SLC36A3: variants seen among roughly 807,000 people sequenced by gnomAD.
The protein encoded by SLC36A3 is proton-coupled amino acid transporter 3.
Under a neutral mutation model 44.3 loss-of-function variants are expected in SLC36A3, and 35 were observed. The ratio of observed to expected loss-of-function variants is 0.79; its 90% confidence interval spans 0.60 to 1.05. The LOEUF is 1.05. SLC36A3 is among the 50% of genes least tolerant of loss of function. The pLI, the probability that SLC36A3 is intolerant of heterozygous loss-of-function variation, is 0.00. For missense variants in SLC36A3, 540 were observed against 578.7 expected, an observed-to-expected ratio of 0.93 and a Z score of 0.69; for synonymous variants, 211 against 227.6, an observed-to-expected ratio of 0.93 and a Z score of 0.66.
intron 3 of SLC36A3, among the ~76,000 whole-genome samples, chr5:151,295,141 A>G (rs1251950906): frequency 6.6e-6 from 1 of 152,154 alleles, no homozygotes; most frequent in Non-Finnish European, 1.5e-5. Flanking sequence ...TAATGATCCC[A>G]GAAGGCTTGA....
At chr5:151,289,818 G>C (rs188104643) in intron 4 of SLC36A3, among the ~76,000 whole-genome samples, 158 of 152,274 alleles carry the variant, frequency 1.0e-3, no homozygotes, top group African/African-American at 3.4e-3. Context: ...ATGATATCCT[G>C]TTGTTTTGCT....
At chr5:151,292,136 C>T (rs374205237) in intron 4 of SLC36A3, among the ~76,000 whole-genome samples, 6 of 152,170 alleles carry the variant, frequency 3.9e-5, no homozygotes, top group African/African-American at 1.2e-4. Flanking sequence ...GCTGGGATTA[C>T]AGGCGTGAGC....
intron 4 of SLC36A3, among the ~76,000 whole-genome samples, chr5:151,290,696 C>T (rs969383192): frequency 6.6e-6 from 1 of 152,090 alleles, no homozygotes; most frequent in Non-Finnish European, 1.5e-5. Flanking sequence ...GAGATCGAGA[C>T]CATCCTGGCT....
At chr5:151,298,888 C>T (rs998076326) in intron 1 of SLC36A3, among the ~76,000 whole-genome samples, 2 of 152,152 alleles carry the variant, frequency 1.3e-5, no homozygotes, top group African/African-American at 4.8e-5. Context: ...AGTGACTCAA[C>T]AAATCTTTAA....
chr5:151,300,025 G>A (rs138962362), intron 1 of SLC36A3, among the ~76,000 whole-genome samples: 128 of 152,318 alleles, frequency 8.4e-4, no homozygotes, highest in African/African-American at 2.9e-3. Flanking sequence ...GCAAGCATGG[G>A]CTGGTTTAAG....
At chr5:151,298,531 G>A in intron 2 of SLC36A3, 62 bp downstream of exon 2, 2 of 1,542,472 alleles carry the variant, frequency 1.3e-6, no homozygotes, top group Non-Finnish European at 1.8e-6. Flanking sequence ...AAGGCCTTCA[G>A]GACCTATCAC....
rs1266028474 is a variant in SLC36A3, at chr5:151,276,363, T to G, written c.*1030A>C. On this transcript the variant is annotated 3_prime_UTR_variant, in exon 10 of 10. Transcript: ENST00000335230. ...GAATCATCCAGTTTGTATTCTTTTT[T>G]TGGTCTGGATTTTGTCATTCAGCAT... Among the ~76,000 whole-genome samples the G allele has an allele frequency of 6.6e-6, 1 of 152,240 alleles. No homozygotes were observed. The highest frequency in any genetic ancestry group is 2.4e-5 in the African/African-American group (1 of 41,470).
intron 2 of SLC36A3, chr5:151,297,740 G>T (rs969264461): frequency 2.0e-5 from 3 of 152,162 alleles, no homozygotes; most frequent in Non-Finnish European, 2.9e-5. Context: ...AGATGGGCCA[G>T]TCACCTGAGG....
Position 151,296,294 on chromosome 5 carries a change from A to T in SLC36A3, c.220-26T>A, listed in dbSNP as rs750489416. The T allele has an allele frequency of 9.4e-6, 15 of 1,595,866 alleles. No homozygotes were observed. In the South Asian group the frequency reaches 1.2e-4, roughly 13 times the overall value. ...CTGGAGGGGAGAGGAGAAAGGGGGAAGTGAGCCAGAAATGATCACTCCCAT... is the reference window on the plus strand; with the variant it reads ...CTGGAGGGGAGAGGAGAAAGGGGGATGTGAGCCAGAAATGATCACTCCCAT... On this transcript the variant is annotated intron_variant, in intron 2 of 9. Transcript: ENST00000335230.
chr5:151,282,111 G>GTTTTTTTTTTTTTTTTTTTT (rs70976011), intron 8 of SLC36A3, among the ~76,000 whole-genome samples: 1 of 56,104 alleles, frequency 1.8e-5, no homozygotes, highest in African/African-American at 6.8e-5. Flanking sequence ...CTTTTTCTTT[G>GTTTTTTTTTTTTTTTTTTTT]TTTTTTTTTT....
In SLC36A3 at chr5:151,277,357, G is replaced by T; in HGVS notation, c.*36C>A. 6.2e-7 allele frequency: 1 copy of T among 1,607,718 alleles called. No individual in the cohort carries two copies. The highest frequency in any genetic ancestry group is 8.5e-7 in the Non-Finnish European group (1 of 1,175,406). On this transcript the variant is annotated 3_prime_UTR_variant, in exon 10 of 10. Coordinates refer to ENST00000335230, the MANE Select transcript of SLC36A3 (RefSeq NM_181774.4). The stretch of plus-strand genomic sequence containing the variant: ...CCACATGGAAGTCAAACTGGGGATG[G>T]GAGGAAGGGAGAGCTATTAGAATAA...
intron 1 of SLC36A3, among the ~76,000 whole-genome samples, chr5:151,300,838 G>C (rs1755144718): frequency 6.6e-6 from 1 of 152,154 alleles, no homozygotes; most frequent in African/African-American, 2.4e-5. Context: ...CCTCCTCTGG[G>C]CATCTTTATT....
At chr5:151,277,806 C>T in intron 9 of SLC36A3, 145 bp from the exon 10 acceptor site, 1 of 867,224 alleles carries the variant, frequency 1.2e-6, no homozygotes, top group Non-Finnish European at 1.7e-6. Context: ...GGTCAGGCAA[C>T]TCCCACCCCT....
chr5:151,281,995 G>C (rs561367456), intron 8 of SLC36A3, among the ~76,000 whole-genome samples: 8 of 151,520 alleles, frequency 5.3e-5, no homozygotes, highest in Admixed American at 1.3e-4. Context: ...GTTTGTACAT[G>C]CTCATACAGA....
chr5:151,298,455 T>C (rs572119142), intron 2 of SLC36A3, 138 bp downstream of exon 2: 9 of 788,086 alleles, frequency 1.1e-5, no homozygotes, highest in Non-Finnish European at 1.9e-5. Context: ...CTCCAGGGGA[T>C]TGATGCCAAC....
Position 151,303,514 on chromosome 5 carries a change from G to T in SLC36A3, c.-160C>A. On this transcript the variant is annotated 5_prime_UTR_variant, in exon 1 of 10. Transcript: ENST00000335230. ...CTGAAGCCTGAAGTGCATGAATCAG[G>T]GAAGCGGTGGTGGCAGGAGAGGCTG... 1 of 688,440 alleles carries T rather than the reference G, an allele frequency of 1.5e-6. No homozygotes were observed. The highest frequency in any genetic ancestry group is 2.8e-5 in the East Asian group (1 of 35,878). 42.6% of individuals were successfully genotyped at this position (688,440 alleles called of 1,614,324 possible).
At chr5:151,297,194 A>G (rs1008485923) in intron 2 of SLC36A3, 2 of 152,244 alleles carry the variant, frequency 1.3e-5, no homozygotes, top group Non-Finnish European at 2.9e-5. Context: ...TATTTCTCAA[A>G]TGAATCATGG....
chr5:151,281,470 T>C (rs1754311972), intron 8 of SLC36A3, among the ~76,000 whole-genome samples: 1 of 152,188 alleles, frequency 6.6e-6, no homozygotes, highest in Non-Finnish European at 1.5e-5. Flanking sequence ...TGCTGAAGAT[T>C]CTGAGTCAGT....
intron 8 of SLC36A3, among the ~76,000 whole-genome samples, chr5:151,281,685 G>T: frequency 6.6e-6 from 1 of 152,130 alleles, no homozygotes; most frequent in Non-Finnish European, 1.5e-5. Flanking sequence ...GGGCGTGGTG[G>T]CATGCACCTG....
Sources: gnomAD v4.1 joint callset for allele counts (sites outside exome capture counted in the v4.1 genomes callset) on GRCh38, gnomAD v4.1.1 for gene constraint, MANE v1.5 for transcripts, NCBI Gene and HGNC (gene_info 2026-07-23, HGNC 2026-07-21) for gene names.